ADK: variants seen among roughly 807,000 people sequenced by gnomAD.
ADK encodes adenosine kinase.
ADK carries 24 observed loss-of-function variants against 44.7 expected under a neutral mutation model. The observed-to-expected ratio is 0.54, with a 90% CI of 0.39 to 0.76. The LOEUF (loss-of-function observed/expected upper bound fraction) is 0.76. ADK is among the 30% of genes least tolerant of loss of function. ADK has a pLI of 0.00. For missense variants in ADK, 321 were observed against 425.1 expected (o/e 0.76, Z 2.15); for synonymous variants, 128 against 142.6 (o/e 0.90, Z 0.73).
At chr10:74,588,018 T>C (rs1851588905) in intron 7 of ADK, among the ~76,000 whole-genome samples, 1 of 152,128 alleles carries the variant, frequency 6.6e-6, no homozygotes, top group Admixed American at 6.5e-5. Flanking sequence ...GTTTTTACCC[T>C]GTCATCTTAT....
At chr10:74,312,501 T>C (rs893726382) in intron 3 of ADK, among the ~76,000 whole-genome samples, 3 of 151,760 alleles carry the variant, frequency 2.0e-5, no homozygotes, top group Admixed American at 6.6e-5. Flanking sequence ...AAATTGCACA[T>C]TTATTTTACT....
chr10:74,605,757 A>C (rs917550710), intron 9 of ADK, among the ~76,000 whole-genome samples: 2 of 152,170 alleles, frequency 1.3e-5, no homozygotes, highest in Non-Finnish European at 2.9e-5. Flanking sequence ...CTGGCCTCAT[A>C]AAATAAATTA....
chr10:74,437,170 A>G (rs917883609), intron 6 of ADK, among the ~76,000 whole-genome samples: 1 of 152,216 alleles, frequency 6.6e-6, no homozygotes, highest in African/African-American at 2.4e-5. Context: ...ATGTTTAATC[A>G]TAAACAATTC....
chr10:74,556,300 A>G lies in ADK; in HGVS notation c.726+30874A>G, dbSNP rs558056442. 6.6e-5 allele frequency among the ~76,000 whole-genome samples: 10 copies of G among 152,356 alleles called. No individual in the cohort carries two copies. The South Asian group carries it at 1.7e-3, about 25-fold the overall frequency. On this transcript the variant is annotated intron_variant, in intron 7 of 10. Coordinates refer to ENST00000539909, the MANE Select transcript of ADK (RefSeq NM_006721.4). ...CTAAAATAGAGAACAGCAATATGCCATATGAGCTCTGCTTATTTTCTACGT... is the reference window on the plus strand; with the variant it reads ...CTAAAATAGAGAACAGCAATATGCCGTATGAGCTCTGCTTATTTTCTACGT...
At chr10:74,350,903 C>G (rs1309068230) in intron 4 of ADK, among the ~76,000 whole-genome samples, 2 of 152,098 alleles carry the variant, frequency 1.3e-5, no homozygotes, top group African/African-American at 4.8e-5. Flanking sequence ...CTGAATAGAC[C>G]AATAACAAGT....
At chr10:74,382,387 C>T (rs1212358760) in intron 4 of ADK, among the ~76,000 whole-genome samples, 1 of 152,188 alleles carries the variant, frequency 6.6e-6, no homozygotes, top group African/African-American at 2.4e-5. Context: ...GTGTGAGCCA[C>T]CGCACCTGGC....
At position 74,363,233 on chromosome 10, in the gene ADK, T is replaced by C. The variant is rs1044470683; in HGVS notation, c.274-30908T>C. 2.0e-5 allele frequency among the ~76,000 whole-genome samples: 3 copies of C among 151,854 alleles called. No homozygotes were observed. The South Asian group carries it at 6.2e-4, about 32-fold the overall frequency. ...GTCTCCCAGCAAGTCCCTCCATAGATGGAATGATTCCCTGACTACAGCAGG... is the reference window on the plus strand; with the variant it reads ...GTCTCCCAGCAAGTCCCTCCATAGACGGAATGATTCCCTGACTACAGCAGG... On this transcript the variant is annotated intron_variant, in intron 4 of 10. Coordinates refer to ENST00000539909, the MANE Select transcript of ADK (RefSeq NM_006721.4).
At chr10:74,393,431 A>G (rs1000232915) in intron 4 of ADK, among the ~76,000 whole-genome samples, 24 of 152,202 alleles carry the variant, frequency 1.6e-4, no homozygotes, top group Admixed American at 6.5e-4. Flanking sequence ...CAATGAAAAA[A>G]TGAGATATTT....
chr10:74,371,915 C>CA (rs1842670983), intron 4 of ADK: 1 of 1,444,948 alleles, frequency 6.9e-7, no homozygotes, highest in Non-Finnish European at 9.6e-7. Flanking sequence ...TTACTGACCC[C>CA]AGGGCTGACC....
intron 6 of ADK, among the ~76,000 whole-genome samples, chr10:74,412,999 G>A (rs1207534100): frequency 4.0e-5 from 6 of 151,890 alleles, no homozygotes; most frequent in Non-Finnish European, 7.4e-5. Context: ...CGGAGGTTGC[G>A]GTGAGCCAAG....
intron 6 of ADK, among the ~76,000 whole-genome samples, chr10:74,413,898 A>C (rs1844274776): frequency 6.6e-6 from 1 of 152,158 alleles, no homozygotes; most frequent in Admixed American, 6.5e-5. Context: ...TAATTGGCCT[A>C]ATGTCACTAT....
intron 2 of ADK, among the ~76,000 whole-genome samples, chr10:74,215,922 C>G (rs1280354436): frequency 6.6e-6 from 1 of 152,100 alleles, no homozygotes; most frequent in African/African-American, 2.4e-5. Flanking sequence ...TCCCAAAGTG[C>G]TGGGATTACA....
intron 7 of ADK, among the ~76,000 whole-genome samples, chr10:74,534,446 A>G (rs1179524638): frequency 1.3e-5 from 2 of 152,222 alleles, no homozygotes; most frequent in African/African-American, 4.8e-5. Context: ...TCCATGGAAG[A>G]TCCCCTTATA....
chr10:74,330,938 T>C (rs901325104), intron 4 of ADK, among the ~76,000 whole-genome samples: 5 of 152,228 alleles, frequency 3.3e-5, no homozygotes, highest in African/African-American at 1.2e-4. Flanking sequence ...ACAATGACTA[T>C]TAAAATAATA....
At chr10:74,265,757 G>A (rs1024727598) in intron 3 of ADK, among the ~76,000 whole-genome samples, 8 of 152,018 alleles carry the variant, frequency 5.3e-5, no homozygotes, top group African/African-American at 1.2e-4. Context: ...TTATAAATTG[G>A]ATTTGTAGTT....
intron 2 of ADK, among the ~76,000 whole-genome samples, chr10:74,224,173 A>T (rs1053562298): frequency 6.6e-6 from 1 of 152,216 alleles, no homozygotes; most frequent in African/African-American, 2.4e-5. Flanking sequence ...GGTTCACAGT[A>T]TATGATTACT....
chr10:74,190,764 A>G (rs1842928583), intron 1 of ADK, among the ~76,000 whole-genome samples: 1 of 152,096 alleles, frequency 6.6e-6, no homozygotes. Flanking sequence ...TGTCACCTCC[A>G]CTGGCTGCTA....
chr10:74,251,380 A>G (rs1845645647), intron 3 of ADK, among the ~76,000 whole-genome samples: 2 of 152,190 alleles, frequency 1.3e-5, no homozygotes, highest in African/African-American at 4.8e-5. Flanking sequence ...AGGTAGAATC[A>G]ATAATTTTTC....
At chr10:74,409,004 CAA>C (rs1160377406) in intron 6 of ADK, among the ~76,000 whole-genome samples, 1 of 152,134 alleles carries the variant, frequency 6.6e-6, no homozygotes, top group African/African-American at 2.4e-5. Context: ...AAAATTCCCT[CAA>C]ATATTATTCT....
Sources: gnomAD v4.1 joint callset for allele counts (sites outside exome capture counted in the v4.1 genomes callset) on GRCh38, gnomAD v4.1.1 for gene constraint, MANE v1.5 for transcripts, NCBI Gene and HGNC (gene_info 2026-07-23, HGNC 2026-07-21) for gene names.